Variants in MALRD1 observed in about 807,000 individuals in gnomAD.
The protein encoded by MALRD1 is MAM and LDL receptor class A domain containing 1.
A neutral mutation model predicts 242.1 loss-of-function variants in MALRD1; 247 were observed. The ratio of observed to expected loss-of-function variants is 1.02; its 90% confidence interval spans 0.92 to 1.13. The LOEUF (loss-of-function observed/expected upper bound fraction) is 1.13, where lower values mean the gene tolerates loss of function less well. MALRD1 is among the 50% of genes most tolerant of loss of function. The pLI, the probability that MALRD1 is intolerant of heterozygous loss-of-function variation, is 0.00. For synonymous variants in MALRD1, 995 were observed against 866.6 expected, an observed-to-expected ratio of 1.15 and a Z score of -2.60; for missense variants, 2,989 against 2,533.1, an observed-to-expected ratio of 1.18 and a Z score of -3.86.
At chr10:19,728,444 G>C (rs548324751) in intron 38 of MALRD1, 2 of 152,170 alleles carry the variant, frequency 1.3e-5, no homozygotes, top group Non-Finnish European at 2.9e-5. Flanking sequence ...GTCATCTGGA[G>C]TCCCAGCAGT....
chr10:19,526,009 G>T (rs1044917606), intron 31 of MALRD1, among the ~76,000 whole-genome samples: 1 of 152,058 alleles, frequency 6.6e-6, no homozygotes, highest in East Asian at 1.9e-4. Flanking sequence ...AAGCGAGTTG[G>T]TTTAATGATT....
chr10:19,495,809 G>T (rs185389383), intron 30 of MALRD1, among the ~76,000 whole-genome samples: 70 of 152,266 alleles, frequency 4.6e-4, no homozygotes, highest in African/African-American at 1.7e-3. Context: ...AGACCAAGTG[G>T]TTGGCTGTCT....
intron 5 of MALRD1, among the ~76,000 whole-genome samples, chr10:19,104,492 T>A (rs1208105147): frequency 1.3e-5 from 2 of 152,144 alleles, no homozygotes; most frequent in Non-Finnish European, 2.9e-5. Flanking sequence ...ATTTTCTATT[T>A]TGACACATCA....
chr10:19,095,181 T>C lies in MALRD1; in HGVS notation c.597+6996T>C, dbSNP rs116030559. 5.5e-3 allele frequency among the ~76,000 whole-genome samples: 839 copies of C among 152,278 alleles called. 15 individuals are homozygous for C. The highest frequency in any genetic ancestry group is 0.019 in the African/African-American group (775 of 41,548). On this transcript the variant is annotated intron_variant, in intron 4 of 39. Coordinates refer to ENST00000454679, the MANE Select transcript of MALRD1 (RefSeq NM_001142308.3). ...CAATTTTACGTTCGATTCTTTTGAG[T>C]GCCTAAGAGGAAAAGAATGGCTAAA...
chr10:19,401,865 T>G (rs1296195623), intron 28 of MALRD1, among the ~76,000 whole-genome samples: 1 of 152,196 alleles, frequency 6.6e-6, no homozygotes, highest in Non-Finnish European at 1.5e-5. Context: ...CAACATTTTG[T>G]AGCATTTGTC....
intron 18 of MALRD1, among the ~76,000 whole-genome samples, chr10:19,234,515 A>G (rs568782178): frequency 1.3e-5 from 2 of 152,264 alleles, no homozygotes; most frequent in East Asian, 3.9e-4. Context: ...AAAAGTATCG[A>G]TTTACCAATA....
chr10:19,204,280 CGTTT>C, intron 15 of MALRD1, 24 bp from the exon 16 acceptor site: 1 of 1,008,150 alleles, frequency 9.9e-7, no homozygotes, highest in South Asian at 1.5e-5. Flanking sequence ...GTTAATGAAG[CGTTT>C]TTTTTTTTTT....
At chr10:19,370,087 G>C (rs1588976905) in intron 26 of MALRD1, among the ~76,000 whole-genome samples, 1 of 152,070 alleles carries the variant, frequency 6.6e-6, no homozygotes, top group Non-Finnish European at 1.5e-5. Context: ...CATGTATGGT[G>C]TTCCAGCGTC....
At chr10:19,561,388 C>A (rs1426331820) in intron 32 of MALRD1, among the ~76,000 whole-genome samples, 1 of 152,098 alleles carries the variant, frequency 6.6e-6, no homozygotes, top group Non-Finnish European at 1.5e-5. Flanking sequence ...GGTTTGCTGC[C>A]CTCTGATCTG....
At chr10:19,171,085 T>C (rs1834901322) in intron 13 of MALRD1, among the ~76,000 whole-genome samples, 1 of 151,998 alleles carries the variant, frequency 6.6e-6, no homozygotes, top group African/African-American at 2.4e-5. Flanking sequence ...AGCACCTGAG[T>C]TTTGCACTTG....
intron 28 of MALRD1, among the ~76,000 whole-genome samples, chr10:19,426,593 G>A (rs1165938076): frequency 6.6e-6 from 1 of 152,136 alleles, no homozygotes; most frequent in Non-Finnish European, 1.5e-5. Context: ...TTTGAGGTCA[G>A]GAGTTTGAGA....
In MALRD1 at chr10:19,087,901, T is replaced by A; in HGVS notation, c.402T>A (p.Val134=). The A allele has an allele frequency of 1.6e-6, 2 of 1,233,460 alleles. No homozygotes were observed. The highest frequency in any genetic ancestry group is 1.5e-5 in the African/African-American group (1 of 64,568). The allele number at this position is 1,233,460 out of a possible 1,614,324, so 76.4% of individuals were successfully genotyped here. A position where few individuals can be genotyped will look rare whatever the true frequency, so the allele number is the denominator to read the frequency against. Residue 134 remains valine, a synonymous_variant, in exon 3 of 40, where the codon GTT becomes GTA. Transcript: ENST00000454679. ...TTTCCTCAAGTTTAAGAAGCAGAGT[T>A]TTCCTTCCAACAAATGATCAACATG... The part of the protein sequence containing the change: ...DSISSSLRSR[V]FLPTNDQHDC...
Position 19,734,471 on chromosome 10 carries a change from T to G in MALRD1, c.*234T>G, listed in dbSNP as rs1412035056. ...CTGAATATTTTAATAAAATTTCTATTTAATCAAGTTTCTTGTTTTTCTTTG... is the reference window on the plus strand; with the variant it reads ...CTGAATATTTTAATAAAATTTCTATGTAATCAAGTTTCTTGTTTTTCTTTG... On this transcript the variant is annotated 3_prime_UTR_variant, in exon 40 of 40. Transcript: ENST00000454679. 1.2e-5 allele frequency: 4 copies of G among 328,976 alleles called. No homozygotes were observed. Among genetic ancestry groups the G allele is most frequent in the African/African-American group, 4.3e-5 (2 of 46,598 alleles). The allele number at this position is 328,976 out of a possible 1,614,324, so 20.4% of individuals were successfully genotyped here.
At chr10:19,541,549 T>C (rs1271059653) in intron 32 of MALRD1, among the ~76,000 whole-genome samples, 2 of 152,148 alleles carry the variant, frequency 1.3e-5, no homozygotes, top group Non-Finnish European at 2.9e-5. Context: ...AGCAAAGTAT[T>C]TTTTTTCTCT....
intron 1 of MALRD1, among the ~76,000 whole-genome samples, chr10:19,054,639 T>C (rs1376198574): frequency 6.6e-6 from 1 of 152,190 alleles, no homozygotes; most frequent in Admixed American, 6.5e-5. Context: ...TTTCCACATG[T>C]AGTGAGATTG....
At chr10:19,254,787 A>G (rs916829438) in intron 18 of MALRD1, among the ~76,000 whole-genome samples, 1 of 151,984 alleles carries the variant, frequency 6.6e-6, no homozygotes. Flanking sequence ...ATCTGAGGAT[A>G]CATTATATTA....
intron 14 of MALRD1, among the ~76,000 whole-genome samples, chr10:19,186,249 A>G (rs886752178): frequency 6.6e-6 from 1 of 152,128 alleles, no homozygotes; most frequent in African/African-American, 2.4e-5. Context: ...CTAGACAACT[A>G]TTTTCTATTC....
rs145110062 is a variant in MALRD1 at position 19,325,763 on chromosome 10, A to G, written c.3576+1658A>G. Among the ~76,000 whole-genome samples, 1,354 of 152,194 alleles carry G rather than the reference A, an allele frequency of 8.9e-3. 13 individuals are homozygous for G. Among genetic ancestry groups the G allele is most frequent in the South Asian group, 0.051 (244 of 4,820 alleles). The stretch of plus-strand genomic sequence containing the variant: ...AAGGACTCTCCCCCTTTTAAATACT[A>G]TTAGCTTGCCAAGAAATCTCTAGCA... On this transcript the variant is annotated intron_variant, in intron 22 of 39. Transcript: ENST00000454679.
chr10:19,532,990 TA>T (rs145446019), intron 32 of MALRD1, among the ~76,000 whole-genome samples: 2,880 of 152,328 alleles, frequency 0.019, 44 homozygotes, highest in East Asian at 0.045. Flanking sequence ...CTGACATTAT[TA>T]AACACAGATT....
Sources: gnomAD v4.1 joint callset for allele counts (sites outside exome capture counted in the v4.1 genomes callset) on GRCh38, gnomAD v4.1.1 for gene constraint, MANE v1.5 for transcripts, NCBI Gene and HGNC (gene_info 2026-07-23, HGNC 2026-07-21) for gene names.